The following LRP4 variants were observed in gnomAD, a reference collection of about 807,000 sequenced individuals.
LRP4 encodes low-density lipoprotein receptor-related protein 4.
In LRP4, 95 loss-of-function variants were observed where a neutral mutation model predicts 220.3. That is an observed-to-expected ratio of 0.43 (90% confidence interval 0.37 to 0.51). The LOEUF (loss-of-function observed/expected upper bound fraction) is 0.51, where lower values mean the gene tolerates loss of function less well. Ranked by LOEUF, LRP4 falls within the 20% of genes least tolerant of loss-of-function variation. LRP4 has a pLI of 0.00. For missense variants in LRP4, 1,925 were observed against 2,567.0 expected (o/e 0.75, Z 5.40); for synonymous variants, 903 against 954.6 (o/e 0.95, Z 1.00).
chr11:46,886,528 C>G lies in LRP4; in HGVS notation c.2221G>C (p.Asp741His), dbSNP rs756917227. ...CTTCGGGCAAAAAGCAGGAACTTGTCAAGACCTGATCAAAGGCCGAAAGGG... is the reference window on the plus strand; with the variant it reads ...CTTCGGGCAAAAAGCAGGAACTTGTGAAGACCTGATCAAAGGCCGAAAGGG... The part of the protein sequence containing the change: ...ISSHACAQSL[D>H]KFLLFARRMD... Residue 741 changes from aspartate (D) to histidine (H), a missense_variant, in exon 17 of 38, where the codon GAC becomes CAC. By Grantham distance (81) the Asp-to-His change is moderately conservative (BLOSUM62 -1). Transcript: ENST00000378623. The G allele has an allele frequency of 2.5e-5, 40 of 1,613,888 alleles. No individual in the cohort carries two copies. Among genetic ancestry groups the G allele is most frequent in the Non-Finnish European group, 3.4e-6 (4 of 1,179,988 alleles).
intron 1 of LRP4, among the ~76,000 whole-genome samples, chr11:46,908,399 A>G (rs1391736795): frequency 6.6e-6 from 1 of 152,196 alleles, no homozygotes; most frequent in Non-Finnish European, 1.5e-5. Flanking sequence ...CAAAAATTGC[A>G]ATTACTTTTG....
intron 7 of LRP4, 131 bp from the exon 8 acceptor site, chr11:46,897,125 T>C (rs1941550138): frequency 1.7e-6 from 2 of 1,167,164 alleles, no homozygotes; most frequent in Non-Finnish European, 1.3e-6. Flanking sequence ...GTCTATATAG[T>C]GTCTTTGTGT....
At chr11:46,896,765 TG>T in intron 8 of LRP4, 103 bp downstream of exon 8, 1 of 1,560,720 alleles carries the variant, frequency 6.4e-7, no homozygotes, top group Non-Finnish European at 8.8e-7. Context: ...GATTTTACAC[TG>T]GTAAAACCTC....
chr11:46,911,865 C>T (rs1411064848), intron 1 of LRP4, among the ~76,000 whole-genome samples: 2 of 114,450 alleles, frequency 1.7e-5, no homozygotes, highest in African/African-American at 6.0e-5. Context: ...TTTTTTGAGA[C>T]GGAGTCTCGC....
At chr11:46,896,808 T>A (rs1941541800) in intron 8 of LRP4, 61 bp downstream of exon 8, 7 of 1,611,968 alleles carry the variant, frequency 4.3e-6, no homozygotes, top group Non-Finnish European at 5.1e-6. Flanking sequence ...AAGCACCCTC[T>A]TTTCCACCCT....
intron 12 of LRP4, 136 bp downstream of exon 12, chr11:46,894,453 A>C: frequency 1.4e-6 from 1 of 705,586 alleles, no homozygotes; most frequent in Non-Finnish European, 2.5e-6. Flanking sequence ...TTTCTATATT[A>C]GGGCTCCAAC....
At chr11:46,885,580 T>A (rs1409974391) in intron 18 of LRP4, among the ~76,000 whole-genome samples, 3 of 152,130 alleles carry the variant, frequency 2.0e-5, no homozygotes, top group Admixed American at 2.0e-4. Flanking sequence ...AAGACCATCC[T>A]GGCCAACATG....
chr11:46,872,145 A>G (rs763497624), intron 30 of LRP4, among the ~76,000 whole-genome samples: 3 of 152,118 alleles, frequency 2.0e-5, no homozygotes, highest in Non-Finnish European at 2.9e-5. Flanking sequence ...AATCCTAGCT[A>G]CTTGGGAGGC....
chr11:46,859,773 T>G (rs1333143738), intron 37 of LRP4, among the ~76,000 whole-genome samples: 1 of 152,168 alleles, frequency 6.6e-6, no homozygotes, highest in Admixed American at 6.5e-5. Context: ...GTTACTGTGG[T>G]TTATTAATGG....
chr11:46,858,865 G>A lies in LRP4; in HGVS notation c.*118C>T. On this transcript the variant is annotated 3_prime_UTR_variant, in exon 38 of 38. Coordinates refer to ENST00000378623, the MANE Select transcript of LRP4 (RefSeq NM_002334.4). The stretch of plus-strand genomic sequence containing the variant: ...CGGTGAAGGCTTAGGAACAGTTATG[G>A]GGTGGGAGGAGGAGGAGGACAAGCA... 1.1e-6 allele frequency: 1 copy of A among 941,450 alleles called. No individual in the cohort carries two copies. The allele number at this position is 941,450 out of a possible 1,614,324, so 58.3% of individuals were successfully genotyped here.
At position 46,900,287 on chromosome 11, in the gene LRP4, C is replaced by T; in HGVS notation, c.291G>A (p.Glu97=). The change falls in exon 3 of 38, where the codon GAG becomes GAA. Residue 97 remains glutamate, a synonymous_variant. Transcript: ENST00000378623. ...SWVCDGDNDC[E]DDSDEQDCPP... ...GACAGTCCTGCTCATCCGAGTCATC[C>T]TCACAGTCGTTGTCCCCGTCACACA... is the stretch of plus-strand genomic sequence containing the variant. 1 of 1,614,058 alleles carries T rather than the reference C, an allele frequency of 6.2e-7. No homozygotes were observed. Among genetic ancestry groups the T allele is most frequent in the Non-Finnish European group, 8.5e-7 (1 of 1,179,900 alleles).
At chr11:46,891,247 G>A (rs572917669) in intron 13 of LRP4, among the ~76,000 whole-genome samples, 3 of 151,966 alleles carry the variant, frequency 2.0e-5, no homozygotes, top group Non-Finnish European at 4.4e-5. Flanking sequence ...CCAAGTAGCT[G>A]GAATTACAGG....
At chr11:46,892,326 T>C (rs1941440443) in intron 13 of LRP4, among the ~76,000 whole-genome samples, 1 of 152,250 alleles carries the variant, frequency 6.6e-6, no homozygotes, top group Non-Finnish European at 1.5e-5. Context: ...CCTTATGAGC[T>C]AATAATAAAA....
intron 1 of LRP4, among the ~76,000 whole-genome samples, chr11:46,916,851 T>C (rs1017134804): frequency 2.2e-4 from 33 of 152,316 alleles, no homozygotes; most frequent in Admixed American, 1.4e-3. Context: ...AAGGGGCCCA[T>C]GTGGTGGGAA....
intron 36 of LRP4, among the ~76,000 whole-genome samples, chr11:46,863,162 A>T (rs1585453): frequency 0.072 from 10,945 of 152,150 alleles, 606 homozygotes; most frequent in Middle Eastern, 0.13. Flanking sequence ...GTGAGTGTGG[A>T]AGGGGATCCT....
chr11:46,872,254 T>TCAACAA (rs896858999), intron 30 of LRP4, among the ~76,000 whole-genome samples: 12 of 152,084 alleles, frequency 7.9e-5, no homozygotes, highest in Non-Finnish European at 1.5e-4. Context: ...AGACTCTGTC[T>TCAACAA]CAACAACAAC....
chr11:46,882,976 C>A (rs1227943211), intron 19 of LRP4, among the ~76,000 whole-genome samples: 4 of 151,840 alleles, frequency 2.6e-5, no homozygotes, highest in African/African-American at 9.7e-5. Flanking sequence ...TTTGTAAAAC[C>A]AAAACCATCA....
Position 46,899,079 on chromosome 11 carries a change from T to G in LRP4, c.548-47A>C, listed in dbSNP as rs1941610015. On this transcript the variant is annotated intron_variant, in intron 5 of 37. Transcript: ENST00000378623. This position sits in a 1 kb window ranked among gnomAD's most constrained non-coding sequence, Gnocchi z 5.9. ...GGAGGGGCACACACTCAGGCCTGGATGAAGGAGAGGGGCCCTGATTCCTCA... is the reference window on the plus strand; with the variant it reads ...GGAGGGGCACACACTCAGGCCTGGAGGAAGGAGAGGGGCCCTGATTCCTCA... 6.3e-7 allele frequency: 1 copy of G among 1,578,302 alleles called. No homozygotes were observed. The highest frequency in any genetic ancestry group is 1.7e-5 in the Admixed American group (1 of 58,988).
chr11:46,895,428 A>G, intron 10 of LRP4, 137 bp from the exon 11 acceptor site: 1 of 1,269,222 alleles, frequency 7.9e-7, no homozygotes, highest in South Asian at 1.2e-5. Context: ...AGAAATGGTT[A>G]AGGGCGGCCG....
Sources: gnomAD v4.1 joint callset for allele counts (sites outside exome capture counted in the v4.1 genomes callset) on GRCh38, gnomAD v4.1.1 for gene constraint, Gnocchi (gnomAD v3.1) non-coding constraint, MANE v1.5 for transcripts, NCBI Gene and HGNC (gene_info 2026-07-23, HGNC 2026-07-21) for gene names.